The following POT1 variants were observed in gnomAD, a reference collection of about 807,000 sequenced individuals.
POT1 encodes the protein protection of telomeres protein 1.
POT1 carries 47 observed loss-of-function variants against 78.5 expected under a neutral mutation model. That is an observed-to-expected ratio of 0.60 (90% CI 0.47 to 0.76). The LOEUF (loss-of-function observed/expected upper bound fraction) is 0.76. Among genes scored for constraint, POT1 ranks in the 30% least tolerant of loss-of-function variants. The pLI is 0.00. For missense variants in POT1, 646 were observed against 749.9 expected, an observed-to-expected ratio of 0.86 and a Z score of 1.62; for synonymous variants, 259 against 260.7, an observed-to-expected ratio of 0.99 and a Z score of 0.06.
At chr7:124,917,545 C>T (rs1269080066) in intron 2 of POT1, among the ~76,000 whole-genome samples, 1 of 152,178 alleles carries the variant, frequency 6.6e-6, no homozygotes, top group East Asian at 1.9e-4. Context: ...ACCCCAGTCT[C>T]CACTGTCCTC....
chr7:124,882,394 G>A (rs996404431), intron 6 of POT1, among the ~76,000 whole-genome samples: 16 of 152,052 alleles, frequency 1.1e-4, no homozygotes, highest in Admixed American at 4.6e-4. Context: ...GAAACTTACT[G>A]TACAATACAA....
chr7:124,847,045 T>C, intron 11 of POT1, 47 bp from the exon 12 acceptor site: 2 of 1,317,078 alleles, frequency 1.5e-6, no homozygotes, highest in Non-Finnish European at 2.2e-6. Flanking sequence ...ACAACTTCAT[T>C]GTAGAACTGA....
At chr7:124,830,458 C>G (rs531984884) in intron 15 of POT1, among the ~76,000 whole-genome samples, 1 of 151,986 alleles carries the variant, frequency 6.6e-6, no homozygotes, top group African/African-American at 2.4e-5. Context: ...ATAGGTGTTT[C>G]TTTTCTAATA....
At chr7:124,912,995 T>C (rs574452865) in intron 3 of POT1, among the ~76,000 whole-genome samples, 1 of 152,262 alleles carries the variant, frequency 6.6e-6, no homozygotes, top group South Asian at 2.1e-4. Flanking sequence ...GGCCTCATAA[T>C]CAAGGCGGAA....
At chr7:124,872,450 T>C (rs1284768691) in intron 6 of POT1, among the ~76,000 whole-genome samples, 1 of 152,214 alleles carries the variant, frequency 6.6e-6, no homozygotes, top group East Asian at 1.9e-4. Context: ...CATCTCTTCA[T>C]GCAGGGTATC....
At chr7:124,825,508 G>T in intron 17 of POT1, 151 bp from the exon 18 acceptor site, 1 of 489,178 alleles carries the variant, frequency 2.0e-6, no homozygotes, top group Non-Finnish European at 3.5e-6. Flanking sequence ...CTAGAATGCT[G>T]GTCTCAACTC....
intron 14 of POT1, among the ~76,000 whole-genome samples, 187 bp from the exon 15 acceptor site, chr7:124,835,601 C>A (rs1226101385): frequency 6.6e-6 from 1 of 152,024 alleles, no homozygotes; most frequent in Non-Finnish European, 1.5e-5. Flanking sequence ...AATCAATGCA[C>A]AAAAATGCTG....
intron 2 of POT1, among the ~76,000 whole-genome samples, chr7:124,926,852 C>T (rs1797286951): frequency 6.6e-6 from 1 of 152,152 alleles, no homozygotes; most frequent in Non-Finnish European, 1.5e-5. Flanking sequence ...CATGTTCTCA[C>T]TCAAAAATGT....
chr7:124,822,568 T>C lies in POT1; in HGVS notation c.*1394A>G, dbSNP rs545050832. Reference sequence around the variant, plus strand: ...GAGGGCTTCCTGAAGGCAGAAAAAATGTTTATTTCACCTTTGTATCCTGAG... The same window carrying C: ...GAGGGCTTCCTGAAGGCAGAAAAAACGTTTATTTCACCTTTGTATCCTGAG... On this transcript the variant is annotated 3_prime_UTR_variant, in exon 19 of 19. Transcript: ENST00000357628. The C allele has an allele frequency of 6.6e-6, 3 of 455,666 alleles. No individual in the cohort carries two copies. Among genetic ancestry groups the C allele is most frequent in the African/African-American group, 4.0e-5 (2 of 50,108 alleles). 28.2% of individuals were successfully genotyped at this position (455,666 alleles called of 1,614,324 possible). A position where few individuals can be genotyped will look rare whatever the true frequency, so the allele number is the denominator to read the frequency against.
rs1584764961 is a variant in POT1, at chr7:124,851,939, A to G, written c.882T>C (p.Ser294=). Residue 294 remains serine, a synonymous_variant, in exon 11 of 19, where the codon TCT becomes TCC. Coordinates refer to ENST00000357628, the MANE Select transcript of POT1 (RefSeq NM_015450.3). ...DVDQLKKDLE[S]ANLTANQHSD... ...AATGCTGATTGGCTGTCAAATTTGC[A>G]GATTCTAAATCCCTATAATTGAAAG... The G allele has an allele frequency of 6.2e-7, 1 of 1,607,426 alleles. No homozygotes were observed. Among genetic ancestry groups the G allele is most frequent in the Non-Finnish European group, 8.5e-7 (1 of 1,174,274 alleles).
intron 2 of POT1, among the ~76,000 whole-genome samples, chr7:124,918,558 A>G (rs906962600): frequency 6.6e-6 from 1 of 152,146 alleles, no homozygotes; most frequent in Non-Finnish European, 1.5e-5. Flanking sequence ...TTTACCTACA[A>G]TGGAAGTTAT....
Position 124,910,512 on chromosome 7 carries a change from ATAT to A in POT1, c.-154+5059_-154+5061del, listed in dbSNP as rs528082661. On this transcript the variant is annotated intron_variant, in intron 3 of 18. Transcript: ENST00000357628. ...ATCTGTAAGATTTCATACAAATATAATATTATTAGTTAAATTTTAATTCTGAAA... is the reference window on the plus strand; with the variant it reads ...ATCTGTAAGATTTCATACAAATATAATATTAGTTAAATTTTAATTCTGAAA... Among the ~76,000 whole-genome samples, 52 of 152,024 alleles carry A rather than the reference ATAT, an allele frequency of 3.4e-4. 1 individual carries two copies. The highest frequency in any genetic ancestry group is 3.1e-3 in the Admixed American group (48 of 15,254).
chr7:124,827,756 C>G (rs1182574494), intron 16 of POT1, among the ~76,000 whole-genome samples: 3 of 151,830 alleles, frequency 2.0e-5, no homozygotes, highest in Non-Finnish European at 4.4e-5. Context: ...AAGTTGACAC[C>G]CTCACACCTG....
At chr7:124,902,787 C>T (rs1796655441) in intron 3 of POT1, among the ~76,000 whole-genome samples, 2 of 152,078 alleles carry the variant, frequency 1.3e-5, no homozygotes, top group South Asian at 4.2e-4. Flanking sequence ...ACCCATCTCA[C>T]ATGCAGAGAC....
At chr7:124,850,906 A>G (rs563594155) in intron 11 of POT1, among the ~76,000 whole-genome samples, 21 of 67,098 alleles carry the variant, frequency 3.1e-4, no homozygotes, top group Non-Finnish European at 5.5e-4. Flanking sequence ...AGTTAGGTAG[A>G]AAAAAAAAAA....
At chr7:124,893,953 T>C (rs1352220151) in intron 5 of POT1, among the ~76,000 whole-genome samples, 2 of 151,538 alleles carry the variant, frequency 1.3e-5, no homozygotes, top group Non-Finnish European at 3.0e-5. Context: ...GAGCTCCTTT[T>C]GTTCTATAAT....
intron 8 of POT1, among the ~76,000 whole-genome samples, chr7:124,859,710 T>G (rs1421634063): frequency 6.8e-6 from 1 of 146,494 alleles, no homozygotes; most frequent in Non-Finnish European, 1.5e-5. Context: ...AAATGACGCC[T>G]GGTTATTTAT....
intron 2 of POT1, among the ~76,000 whole-genome samples, chr7:124,917,936 G>A (rs902578232): frequency 6.6e-6 from 1 of 152,028 alleles, no homozygotes; most frequent in Non-Finnish European, 1.5e-5. Flanking sequence ...GTGTAGGGGA[G>A]GGGAGGCATT....
Position 124,865,972 on chromosome 7 carries a change from G to C in POT1, c.256-2332C>G, listed in dbSNP as rs149484506. On this transcript the variant is annotated intron_variant, in intron 7 of 18. Transcript: ENST00000357628. ...GGTAACACTTTGTTGTTTTCATGTAGAATATATCTTTTTTTCTTTACTAGA... is the reference window on the plus strand; with the variant it reads ...GGTAACACTTTGTTGTTTTCATGTACAATATATCTTTTTTTCTTTACTAGA... Among the ~76,000 whole-genome samples, 52 of 152,024 alleles carry C rather than the reference G, an allele frequency of 3.4e-4. No homozygotes were observed. The East Asian group carries it at 7.5e-3, about 22-fold the overall frequency.
Sources: gnomAD v4.1 joint callset for allele counts (sites outside exome capture counted in the v4.1 genomes callset) on GRCh38, gnomAD v4.1.1 for gene constraint, MANE v1.5 for transcripts, NCBI Gene and HGNC (gene_info 2026-07-23, HGNC 2026-07-21) for gene names.